Variants in SPTBN1 observed in about 807,000 individuals in gnomAD.
SPTBN1 encodes spectrin beta, non-erythrocytic 1.
SPTBN1 carries 32 observed loss-of-function variants against 266.4 expected under a neutral mutation model. That is an observed-to-expected ratio of 0.12 (90% CI 0.09 to 0.16). The LOEUF (loss-of-function observed/expected upper bound fraction) is 0.16. SPTBN1 is among the 10% of genes least tolerant of loss of function. SPTBN1 has a pLI of 1.00. For synonymous variants in SPTBN1, 1,336 were observed against 1,162.2 expected (o/e 1.15, Z -3.04); for missense variants, 2,296 against 3,067.1 (o/e 0.75, Z 5.94).
intron 33 of SPTBN1, among the ~76,000 whole-genome samples, chr2:54,665,058 A>C (rs939920292): frequency 1.1e-4 from 17 of 152,314 alleles, no homozygotes; most frequent in African/African-American, 4.1e-4. Flanking sequence ...CCTGATCTCC[A>C]TATCAGCCTT....
At chr2:54,657,727 A>T in intron 29 of SPTBN1, 123 bp from the exon 30 acceptor site, 1 of 1,152,700 alleles carries the variant, frequency 8.7e-7, no homozygotes, top group Non-Finnish European at 1.2e-6. Flanking sequence ...GCTAATTTAG[A>T]GTAGACGATA....
At chr2:54,466,358 C>CAT (rs1693629624) in intron 1 of SPTBN1, among the ~76,000 whole-genome samples, 747 of 31,336 alleles carry the variant, frequency 0.024, 82 homozygotes, top group African/African-American at 0.068. Flanking sequence ...GTTTATTCTT[C>CAT]GAGACCATCC....
At chr2:54,650,329 T>A (rs893150247) in intron 26 of SPTBN1, among the ~76,000 whole-genome samples, 9 of 152,224 alleles carry the variant, frequency 5.9e-5, no homozygotes, top group African/African-American at 2.2e-4. Flanking sequence ...ATTTTACTAT[T>A]TTTCATCAAC....
intron 3 of SPTBN1, among the ~76,000 whole-genome samples, chr2:54,607,776 A>G (rs1558422456): frequency 1.3e-5 from 2 of 152,214 alleles, no homozygotes; most frequent in Non-Finnish European, 1.5e-5. Context: ...AGGGACAAAT[A>G]TATTTGAAAA....
Position 54,629,023 on chromosome 2 carries a change from G to A in SPTBN1, c.1889G>A (p.Arg630His), listed in dbSNP as rs1412395889. The part of the protein sequence containing the change: ...YQELCQLAAE[R>H]RARLEESRRL... ...GAGCTTTGCCAGCTGGCGGCTGAGC[G>A]CAGGGCCCGTCTGGAAGAGTCCCGC... Residue 630 changes from arginine to histidine, a missense_variant, in exon 14 of 36, where the codon CGC (arginine) becomes CAC (histidine). Coordinates refer to ENST00000356805, the MANE Select transcript of SPTBN1 (RefSeq NM_003128.3). 2 of 1,613,740 alleles carry A rather than the reference G, an allele frequency of 1.2e-6. No homozygotes were observed. Among genetic ancestry groups the A allele is most frequent in the South Asian group, 1.1e-5 (1 of 91,080 alleles).
intron 3 of SPTBN1, among the ~76,000 whole-genome samples, chr2:54,606,951 A>G (rs1261393340): frequency 6.6e-6 from 1 of 152,196 alleles, no homozygotes; most frequent in Non-Finnish European, 1.5e-5. Flanking sequence ...ATTTTTTCCT[A>G]CCTCGTTAGA....
intron 1 of SPTBN1, among the ~76,000 whole-genome samples, chr2:54,521,654 C>G (rs547985014): frequency 6.6e-6 from 1 of 151,964 alleles, no homozygotes; most frequent in African/African-American, 2.4e-5. Context: ...GCTGGGACTA[C>G]GGGCACGTGC....
At chr2:54,506,863 A>C (rs954723699) in intron 1 of SPTBN1, among the ~76,000 whole-genome samples, 2 of 147,970 alleles carry the variant, frequency 1.4e-5, no homozygotes, top group East Asian at 4.0e-4. Context: ...TCTCCAGAGA[A>C]AGTAAAGTTT....
chr2:54,609,646 G>T (rs1406264724), intron 3 of SPTBN1, among the ~76,000 whole-genome samples: 2 of 152,024 alleles, frequency 1.3e-5, no homozygotes, highest in African/African-American at 4.8e-5. Context: ...TAGGGATGTT[G>T]TGTTTAGGGG....
In SPTBN1 at chr2:54,620,527, C is replaced by A. The variant is rs559492568; in HGVS notation, c.764-873C>A. 1.3e-4 allele frequency among the ~76,000 whole-genome samples: 20 copies of A among 152,274 alleles called. No individual in the cohort carries two copies. In the South Asian group the frequency reaches 4.1e-3, roughly 32 times the overall value. The stretch of plus-strand genomic sequence containing the variant: ...TGCTAGGTACAGTGGCTCTCATCTG[C>A]AATTTCACCTCCTTAGGAGGCTGAG... On this transcript the variant is annotated intron_variant, in intron 7 of 35. Transcript: ENST00000356805.
At chr2:54,535,809 C>T (rs1354804057) in intron 2 of SPTBN1, among the ~76,000 whole-genome samples, 5 of 152,206 alleles carry the variant, frequency 3.3e-5, no homozygotes, top group African/African-American at 1.2e-4. Flanking sequence ...ATCAGGAGTT[C>T]ATGACCAGCC....
At chr2:54,594,833 C>CTTGTTTTTTTTT (rs1675949144) in intron 2 of SPTBN1, among the ~76,000 whole-genome samples, 1 of 104,716 alleles carries the variant, frequency 9.5e-6, no homozygotes, top group African/African-American at 5.1e-5. Context: ...TGGTAAGTTT[C>CTTGTTTTTTTTT]TTTTTTTTTT....
intron 2 of SPTBN1, among the ~76,000 whole-genome samples, chr2:54,542,507 G>A (rs1021855280): frequency 2.0e-5 from 3 of 152,158 alleles, no homozygotes; most frequent in African/African-American, 7.2e-5. Context: ...TTGGAGTTAC[G>A]CTAGAAGCAG....
intron 2 of SPTBN1, among the ~76,000 whole-genome samples, chr2:54,530,044 A>G (rs1479498092): frequency 6.6e-6 from 1 of 152,036 alleles, no homozygotes; most frequent in East Asian, 1.9e-4. Flanking sequence ...CTAAAGCGAG[A>G]CATTTTGCTT....
At chr2:54,534,695 T>C (rs938398296) in intron 2 of SPTBN1, among the ~76,000 whole-genome samples, 1 of 152,224 alleles carries the variant, frequency 6.6e-6, no homozygotes, top group Non-Finnish European at 1.5e-5. Context: ...TGAAATCAGC[T>C]TGGATTCCTT....
chr2:54,496,765 T>G (rs1399468708), intron 1 of SPTBN1, among the ~76,000 whole-genome samples: 1 of 152,172 alleles, frequency 6.6e-6, no homozygotes, highest in African/African-American at 2.4e-5. Flanking sequence ...TGACGCTGAT[T>G]AAGGTAGAAG....
At chr2:54,599,030 G>T (rs144591883) in intron 2 of SPTBN1, 62 bp from the exon 3 acceptor site, 1 of 1,581,240 alleles carries the variant, frequency 6.3e-7, no homozygotes, top group East Asian at 2.2e-5. Context: ...GGCCCTGCTA[G>T]CATGTGCCTG....
intron 1 of SPTBN1, among the ~76,000 whole-genome samples, chr2:54,464,633 G>A (rs2103813967): frequency 6.6e-6 from 1 of 152,166 alleles, no homozygotes; most frequent in Non-Finnish European, 1.5e-5. Context: ...TATAATAGAT[G>A]ACCATGAGGA....
At chr2:54,556,111 A>G (rs553944579) in intron 2 of SPTBN1, among the ~76,000 whole-genome samples, 3 of 152,366 alleles carry the variant, frequency 2.0e-5, no homozygotes, top group Admixed American at 6.5e-5. Context: ...TAAACACTGA[A>G]GAAATAAAGA....
Sources: allele counts gnomAD v4.1 joint callset (sites outside exome capture counted in the v4.1 genomes callset), GRCh38; gene constraint gnomAD v4.1.1; transcripts MANE v1.5; gene names NCBI Gene and HGNC (gene_info 2026-07-23, HGNC 2026-07-21).